MIPEP: variants seen among roughly 807,000 people sequenced by gnomAD.
The protein encoded by MIPEP is mitochondrial intermediate peptidase.
In MIPEP, 79 loss-of-function variants were observed where a neutral mutation model predicts 90.3. The observed-to-expected ratio is 0.87, with a 90% CI of 0.73 to 1.05. The LOEUF (loss-of-function observed/expected upper bound fraction) is 1.05, where lower values mean the gene tolerates loss of function less well. Ranked by LOEUF, MIPEP falls within the 50% of genes least tolerant of loss-of-function variation. The probability of loss-of-function intolerance (pLI) is 0.00; values close to 1 mark genes in which losing one functional copy is unlikely to be tolerated. For missense variants in MIPEP, 940 were observed against 905.6 expected, an observed-to-expected ratio of 1.04 and a Z score of -0.49; for synonymous variants, 334 against 315.8, an observed-to-expected ratio of 1.06 and a Z score of -0.61.
chr13:23,730,479 C>G (rs768596677), intron 18 of MIPEP, 34 bp from the exon 19 acceptor site: 1 of 1,423,910 alleles, frequency 7.0e-7, no homozygotes, highest in Non-Finnish European at 9.9e-7. Flanking sequence ...ACTGCGTTCA[C>G]CAGGAGGCAA....
At chr13:23,782,158 C>T (rs1326171918) in intron 16 of MIPEP, among the ~76,000 whole-genome samples, 7 of 152,164 alleles carry the variant, frequency 4.6e-5, no homozygotes, top group Non-Finnish European at 1.0e-4. Context: ...ATACATTCTT[C>T]TCAGCACCAC....
chr13:23,807,648 G>T (rs1045543218), intron 15 of MIPEP, among the ~76,000 whole-genome samples: 1 of 152,078 alleles, frequency 6.6e-6, no homozygotes, highest in African/African-American at 2.4e-5. Flanking sequence ...TTTATAATGA[G>T]TAACGATGCA....
intron 11 of MIPEP, among the ~76,000 whole-genome samples, chr13:23,840,357 T>C (rs1869240828): frequency 6.6e-6 from 1 of 152,168 alleles, no homozygotes. Flanking sequence ...ACCTACTTGG[T>C]GCCAGGAACT....
intron 16 of MIPEP, among the ~76,000 whole-genome samples, chr13:23,771,047 C>A (rs372370697): frequency 2.6e-5 from 4 of 152,202 alleles, no homozygotes; most frequent in Non-Finnish European, 5.9e-5. Flanking sequence ...CATGGCTGCA[C>A]AGTCACTGGG....
At chr13:23,868,124 G>T (rs879796580) in intron 7 of MIPEP, among the ~76,000 whole-genome samples, 6 of 151,462 alleles carry the variant, frequency 4.0e-5, no homozygotes, top group Admixed American at 1.3e-4. Flanking sequence ...GAAAAAAAAT[G>T]TAAGTGTTTT....
chr13:23,821,906 C>T (rs1458242990), intron 14 of MIPEP, among the ~76,000 whole-genome samples: 1 of 151,934 alleles, frequency 6.6e-6, no homozygotes, highest in African/African-American at 2.4e-5. Flanking sequence ...ATTTTTGACC[C>T]ATGGTTAGTT....
At position 23,864,565 on chromosome 13, in the gene MIPEP, G is replaced by A. The variant is rs150267744; in HGVS notation, c.944-376C>T. ...AGCAAGGCCAACAGGCTGAAACCCCGTCTCTACCAAAAATACAAAAATTAG... is the reference window on the plus strand; with the variant it reads ...AGCAAGGCCAACAGGCTGAAACCCCATCTCTACCAAAAATACAAAAATTAG... On this transcript the variant is annotated intron_variant, in intron 7 of 18. Coordinates refer to ENST00000382172, the MANE Select transcript of MIPEP (RefSeq NM_005932.4). Among the ~76,000 whole-genome samples, 749 of 151,826 alleles carry A rather than the reference G, an allele frequency of 4.9e-3. 5 individuals are homozygous for A. Among genetic ancestry groups the A allele is most frequent in the African/African-American group, 0.017 (693 of 41,414 alleles).
chr13:23,879,264 G>T lies in MIPEP; in HGVS notation c.539+4C>A. The T allele has an allele frequency of 6.3e-7, 1 of 1,578,414 alleles. No homozygotes were observed. Among genetic ancestry groups the T allele is most frequent in the African/African-American group, 1.3e-5 (1 of 74,170 alleles). ...ACAATCAAGGCAAAGAAATGAGTGA[G>T]TACCTTGTTTCTGGATCAAGGGAAT... On this transcript the variant is annotated splice_donor_region_variant and intron_variant, in intron 4 of 18. Coordinates refer to ENST00000382172, the MANE Select transcript of MIPEP (RefSeq NM_005932.4).
chr13:23,736,950 T>TA (rs1270002932), intron 18 of MIPEP, among the ~76,000 whole-genome samples: 2 of 152,236 alleles, frequency 1.3e-5, no homozygotes, highest in African/African-American at 4.8e-5. Context: ...CCCATGCTCT[T>TA]AAAGCGCTAT....
At chr13:23,780,525 A>G (rs1026798199) in intron 16 of MIPEP, among the ~76,000 whole-genome samples, 1 of 152,256 alleles carries the variant, frequency 6.6e-6, no homozygotes, top group African/African-American at 2.4e-5. Context: ...AGAAAAGCTG[A>G]AAATTCTAAA....
chr13:23,865,320 T>G (rs1870484269), intron 7 of MIPEP, among the ~76,000 whole-genome samples: 3 of 152,204 alleles, frequency 2.0e-5, no homozygotes, highest in South Asian at 4.1e-4. Context: ...TTAAGTTATC[T>G]CCTTTTGAGT....
At chr13:23,837,244 A>G (rs1869094520) in intron 13 of MIPEP, among the ~76,000 whole-genome samples, 1 of 152,228 alleles carries the variant, frequency 6.6e-6, no homozygotes, top group Non-Finnish European at 1.5e-5. Flanking sequence ...TTAAGGAGAT[A>G]CGTTTTTATT....
rs188095093 is a variant in MIPEP at position 23,862,245 on chromosome 13, A to G, written c.1053+57T>C. On this transcript the variant is annotated intron_variant, in intron 9 of 18. Coordinates refer to ENST00000382172, the MANE Select transcript of MIPEP (RefSeq NM_005932.4). The stretch of plus-strand genomic sequence containing the variant: ...CAAGAAAGTTCCTGAATCAAAAGAT[A>G]TTGATTTCAGTTGACAGACTGTCTA... The G allele has an allele frequency of 9.6e-6, 10 of 1,043,300 alleles. No homozygotes were observed. In the African/African-American group the frequency reaches 1.3e-4, roughly 13 times the overall value. 64.6% of individuals were successfully genotyped at this position (1,043,300 alleles called of 1,614,324 possible).
intron 4 of MIPEP, among the ~76,000 whole-genome samples, chr13:23,877,972 T>C (rs1400941184): frequency 6.6e-6 from 1 of 152,218 alleles, no homozygotes; most frequent in Non-Finnish European, 1.5e-5. Context: ...AAATCCCTAT[T>C]GGCATTTTTA....
At chr13:23,759,495 C>G (rs1952517768) in intron 17 of MIPEP, among the ~76,000 whole-genome samples, 1 of 151,498 alleles carries the variant, frequency 6.6e-6, no homozygotes, top group Non-Finnish European at 1.5e-5. Flanking sequence ...CGGGATCCCC[C>G]ACACCCCCCT....
In MIPEP at chr13:23,862,326, T is replaced by C; in HGVS notation, c.1029A>G (p.Lys343=). 1 of 1,583,702 alleles carries C rather than the reference T, an allele frequency of 6.3e-7. No homozygotes were observed. Among genetic ancestry groups the C allele is most frequent in the Non-Finnish European group, 8.6e-7 (1 of 1,158,272 alleles). Residue 343 remains lysine, a synonymous_variant, in exon 9 of 19, where the codon AAA becomes AAG. Coordinates refer to ENST00000382172, the MANE Select transcript of MIPEP (RefSeq NM_005932.4). ...LKDFEMIRGM[K]MKLNPQNSEV... is the part of the protein sequence containing the mutation. ...CGGAATTTTGAGGATTCAGTTTCAT[T>C]TTCATCCCTCGTATCATCTCAAAAT...
At chr13:23,877,576 G>A (rs755631519) in intron 4 of MIPEP, among the ~76,000 whole-genome samples, 29 of 152,134 alleles carry the variant, frequency 1.9e-4, no homozygotes, top group Non-Finnish European at 3.7e-4. Flanking sequence ...TGATACATCA[G>A]ATTTCCAAAC....
chr13:23,839,690 T>G lies in MIPEP; in HGVS notation c.1297A>C (p.Ile433Leu). Residue 433 changes from isoleucine (I) to leucine (L), a missense_variant, in exon 12 of 19, where the codon ATT (isoleucine) becomes CTT (leucine). Transcript: ENST00000382172. Reference protein sequence around the residue: ...VHESEGLLGYIYCDFFQRADK... With the variant: ...VHESEGLLGYLYCDFFQRADK... ...GCTCGCTGAAAAAAATCACAGTAAA[T>G]GTACCCCAACAATCCTTCAGATTCA... 6.2e-7 allele frequency: 1 copy of G among 1,612,994 alleles called. No individual in the cohort carries two copies. The highest frequency in any genetic ancestry group is 8.5e-7 in the Non-Finnish European group (1 of 1,179,676).
At chr13:23,850,772 T>C (rs1869764873) in intron 10 of MIPEP, among the ~76,000 whole-genome samples, 1 of 152,204 alleles carries the variant, frequency 6.6e-6, no homozygotes, top group African/African-American at 2.4e-5. Context: ...GCTTAAGCTG[T>C]ATCAAAATGT....
Sources: gnomAD v4.1 joint callset for allele counts (sites outside exome capture counted in the v4.1 genomes callset) on GRCh38, gnomAD v4.1.1 for gene constraint, MANE v1.5 for transcripts, NCBI Gene and HGNC (gene_info 2026-07-23, HGNC 2026-07-21) for gene names.